Variants in SIPA1L2 observed in about 807,000 individuals in gnomAD.
SIPA1L2 encodes signal induced proliferation associated 1 like 2, also known as signal-induced proliferation-associated 1-like protein 2.
In SIPA1L2, 56 loss-of-function variants were observed where a neutral mutation model predicts 163.9. The observed-to-expected ratio is 0.34, with a 90% CI of 0.28 to 0.43. The LOEUF is 0.43. Among genes scored for constraint, SIPA1L2 ranks in the 20% least tolerant of loss-of-function variants. SIPA1L2 has a pLI of 1.00. For synonymous variants in SIPA1L2, 877 were observed against 865.7 expected, an observed-to-expected ratio of 1.01 and a Z score of -0.23; for missense variants, 1,974 against 2,193.5, an observed-to-expected ratio of 0.90 and a Z score of 2.00.
At chr1:232,498,782 T>TC (rs1469101241) in intron 3 of SIPA1L2, among the ~76,000 whole-genome samples, 1 of 152,098 alleles carries the variant, frequency 6.6e-6, no homozygotes, top group Admixed American at 6.5e-5. Context: ...CCCAGCCAGG[T>TC]CCCGCCTGGA....
intron 2 of SIPA1L2, among the ~76,000 whole-genome samples, chr1:232,563,349 C>G (rs1052925895): frequency 1.4e-4 from 21 of 152,276 alleles, no homozygotes; most frequent in African/African-American, 4.8e-4. Flanking sequence ...CACAGCAAAC[C>G]TAAATTTTAG....
rs565671275 is a variant in SIPA1L2, at chr1:232,491,935, C to T, written c.1618-873G>A. Among the ~76,000 whole-genome samples, 9 of 152,306 alleles carry T rather than the reference C, an allele frequency of 5.9e-5. No individual in the cohort carries two copies. The South Asian group carries it at 1.9e-3, about 32-fold the overall frequency. On this transcript the variant is annotated intron_variant, in intron 4 of 22. Transcript: ENST00000674635. Reference sequence around the variant, plus strand: ...ACATCAACTATTAAACACTCGAAATCACTAATGTCACTAAGGAAAAGGATT... The same window carrying T: ...ACATCAACTATTAAACACTCGAAATTACTAATGTCACTAAGGAAAAGGATT...
chr1:232,441,927 A>C (rs1662923936), intron 12 of SIPA1L2, 59 bp from the exon 13 acceptor site: 5 of 1,406,382 alleles, frequency 3.6e-6, no homozygotes, highest in Admixed American at 1.9e-5. Context: ...GCCAGCATGC[A>C]CACGGGAGTG....
At chr1:232,461,893 T>C (rs1433727945) in intron 9 of SIPA1L2, among the ~76,000 whole-genome samples, 1 of 152,042 alleles carries the variant, frequency 6.6e-6, no homozygotes, top group African/African-American at 2.4e-5. Context: ...CTCAGATCCA[T>C]GGTGGGGGCA....
In SIPA1L2 at chr1:232,572,694, CATATATATATAT is replaced by C. The variant is rs61685621; in HGVS notation, c.-270+1468_-270+1479del. On this transcript the variant is annotated intron_variant, in intron 2 of 22. Transcript: ENST00000674635. ...ATATATATACACACACATATACATACATATATATATATATATATATATACACACATATATACA... is the reference window on the plus strand; with the variant it reads ...ATATATATACACACACATATACATACATATATATATACACACATATATACA... Among the ~76,000 whole-genome samples the C allele has an allele frequency of 1.4e-3, 138 of 101,166 alleles. 1 individual carries two copies. The highest frequency in any genetic ancestry group is 3.7e-3 in the African/African-American group (117 of 31,454). The allele number at this position is 101,166 out of a possible 152,430, so 66.4% of individuals were successfully genotyped here.
intron 7 of SIPA1L2, 82 bp from the exon 8 acceptor site, chr1:232,471,610 G>A: frequency 8.1e-7 from 1 of 1,234,244 alleles, no homozygotes. Flanking sequence ...CTTTCAATTT[G>A]AAGGAGTGAT....
chr1:232,425,799 A>G lies in SIPA1L2; in HGVS notation c.4420T>C (p.Tyr1474His). The G allele has an allele frequency of 6.2e-7, 1 of 1,613,614 alleles. No homozygotes were observed. Among genetic ancestry groups the G allele is most frequent in the African/African-American group, 1.3e-5 (1 of 75,056 alleles). ...GACCTCCTTGGAGACAGGTTCCCAT[A>G]GAACGAAAACTAGGGTTTAAACAAG... Reference protein sequence around the residue: ...VEEGRRKFSFYGNLSPRRSLY... With the variant: ...VEEGRRKFSFHGNLSPRRSLY... Residue 1474 changes from tyrosine (Y) to histidine (H), a missense_variant, in exon 18 of 23, where the codon TAT (tyrosine) becomes CAT (histidine). Transcript: ENST00000674635.
intron 8 of SIPA1L2, among the ~76,000 whole-genome samples, chr1:232,466,327 A>T (rs1316687124): frequency 6.6e-6 from 1 of 152,222 alleles, no homozygotes; most frequent in Non-Finnish European, 1.5e-5. Flanking sequence ...GTTTTATGGG[A>T]GCAAAGTTTT....
Position 232,445,974 on chromosome 1 carries a change from C to G in SIPA1L2, c.3096-188G>C, listed in dbSNP as rs554991749. Among the ~76,000 whole-genome samples the G allele has an allele frequency of 8.4e-4, 128 of 152,300 alleles. No individual in the cohort carries two copies. In the Middle Eastern group the frequency reaches 0.017, roughly 20 times the overall value. On this transcript the variant is annotated intron_variant, in intron 10 of 22. Transcript: ENST00000674635. ...AATAAAACCACATTCCCACACTATTCAATTCCTCTTCTGCCAGCAATGACT... is the reference window on the plus strand; with the variant it reads ...AATAAAACCACATTCCCACACTATTGAATTCCTCTTCTGCCAGCAATGACT...
chr1:232,560,977 C>T (rs1261104508), intron 2 of SIPA1L2, among the ~76,000 whole-genome samples: 1 of 152,154 alleles, frequency 6.6e-6, no homozygotes, highest in Non-Finnish European at 1.5e-5. Context: ...AAGCATTAAA[C>T]TTTCATTCCA....
At chr1:232,399,385 G>A in intron 22 of SIPA1L2, 112 bp from the exon 23 acceptor site, 1 of 1,192,112 alleles carries the variant, frequency 8.4e-7, no homozygotes, top group Non-Finnish European at 1.2e-6. Context: ...ACTTTTTGAG[G>A]GGAGAAGGGG....
intron 9 of SIPA1L2, among the ~76,000 whole-genome samples, chr1:232,462,915 T>C (rs1664315521): frequency 1.3e-5 from 2 of 152,152 alleles, no homozygotes; most frequent in African/African-American, 2.4e-5. Flanking sequence ...TCCCCTCTGT[T>C]TATTGCTTCC....
Position 232,465,455 on chromosome 1 carries a change from T to C in SIPA1L2, c.2244-39A>G. The C allele has an allele frequency of 6.5e-7, 1 of 1,543,222 alleles. No individual in the cohort carries two copies. Among genetic ancestry groups the C allele is most frequent in the Non-Finnish European group, 8.8e-7 (1 of 1,136,318 alleles). On this transcript the variant is annotated intron_variant, in intron 8 of 22. Transcript: ENST00000674635. This position sits in a 1 kb window ranked among gnomAD's most constrained non-coding sequence, Gnocchi z 4.1. ...AACAGAAACAAAATGAGATGAGCTATGATACCATAATATGTATCTTTCCGA... is the reference window on the plus strand; with the variant it reads ...AACAGAAACAAAATGAGATGAGCTACGATACCATAATATGTATCTTTCCGA...
At chr1:232,622,840 G>C (rs1662887834) in intron 1 of SIPA1L2, among the ~76,000 whole-genome samples, 1 of 152,186 alleles carries the variant, frequency 6.6e-6, no homozygotes. Context: ...ATAATGATTA[G>C]AACTTGCTCA....
At chr1:232,451,237 T>C (rs1425140793) in intron 10 of SIPA1L2, among the ~76,000 whole-genome samples, 1 of 152,074 alleles carries the variant, frequency 6.6e-6, no homozygotes, top group African/African-American at 2.4e-5. Flanking sequence ...ATTCAACCAA[T>C]GTTTAGGGAA....
chr1:232,564,572 A>G (rs1257009896), intron 2 of SIPA1L2, among the ~76,000 whole-genome samples: 1 of 152,134 alleles, frequency 6.6e-6, no homozygotes, highest in Non-Finnish European at 1.5e-5. Context: ...GGCAGCTACA[A>G]GAAACCATCA....
chr1:232,502,612 C>T (rs1666537157), intron 3 of SIPA1L2, among the ~76,000 whole-genome samples: 1 of 152,140 alleles, frequency 6.6e-6, no homozygotes, highest in South Asian at 2.1e-4. Flanking sequence ...ATCTATGTCA[C>T]AGACCCATTT....
At chr1:232,454,030 G>A (rs1663744008) in intron 10 of SIPA1L2, among the ~76,000 whole-genome samples, 1 of 152,084 alleles carries the variant, frequency 6.6e-6, no homozygotes, top group South Asian at 2.1e-4. Flanking sequence ...GGTAATTGAT[G>A]CTCATTCGCT....
intron 2 of SIPA1L2, among the ~76,000 whole-genome samples, chr1:232,556,769 G>T (rs1482733042): frequency 1.3e-5 from 2 of 151,740 alleles, no homozygotes; most frequent in Non-Finnish European, 2.9e-5. Context: ...GAACACTGGG[G>T]TCAGACTGAA....
Sources: allele counts gnomAD v4.1 joint callset (sites outside exome capture counted in the v4.1 genomes callset), GRCh38; gene constraint gnomAD v4.1.1; non-coding constraint Gnocchi (gnomAD v3.1); transcripts MANE v1.5; gene names NCBI Gene and HGNC (gene_info 2026-07-23, HGNC 2026-07-21).